Variants in DENND1A observed in about 807,000 individuals in gnomAD.
DENND1A encodes DENN domain containing 1A, also known as DENN domain-containing protein 1A.
A neutral mutation model predicts 113.7 loss-of-function variants in DENND1A; 51 were observed. That is an observed-to-expected ratio of 0.45 (90% CI 0.36 to 0.57). The LOEUF is 0.57. Among genes scored for constraint, DENND1A ranks in the 20% least tolerant of loss-of-function variants. The pLI is 0.00. For missense variants in DENND1A, 1,258 were observed against 1,395.9 expected, an observed-to-expected ratio of 0.90 and a Z score of 1.57; for synonymous variants, 565 against 570.8, an observed-to-expected ratio of 0.99 and a Z score of 0.14.
At chr9:123,721,363 T>C (rs912554474) in intron 5 of DENND1A, among the ~76,000 whole-genome samples, 11 of 152,204 alleles carry the variant, frequency 7.2e-5, no homozygotes, top group African/African-American at 2.7e-4. Context: ...TGTGCTCCCT[T>C]GGTCCTGGGC....
At chr9:123,828,879 T>C (rs1839781017) in intron 2 of DENND1A, among the ~76,000 whole-genome samples, 1 of 152,152 alleles carries the variant, frequency 6.6e-6, no homozygotes, top group Non-Finnish European at 1.5e-5. Flanking sequence ...TTCCCAAAGA[T>C]AGGGATCTCT....
intron 13 of DENND1A, among the ~76,000 whole-genome samples, chr9:123,544,930 C>T (rs1406904597): frequency 6.6e-6 from 1 of 152,040 alleles, no homozygotes; most frequent in Non-Finnish European, 1.5e-5. Flanking sequence ...AACCCCGTCT[C>T]TACTAAAAAC....
intron 5 of DENND1A, among the ~76,000 whole-genome samples, chr9:123,700,333 A>C (rs572220880): frequency 5.8e-4 from 88 of 152,330 alleles, no homozygotes; most frequent in Middle Eastern, 3.4e-3. Context: ...CAATTTGGGG[A>C]GAACTGACAT....
chr9:123,903,489 C>T (rs1166195987), intron 1 of DENND1A, among the ~76,000 whole-genome samples: 2 of 152,018 alleles, frequency 1.3e-5, no homozygotes, highest in Admixed American at 1.3e-4. Context: ...GAGTGCCAGA[C>T]AGTGGGCGCA....
chr9:123,527,652 C>T (rs2135252078), intron 13 of DENND1A, among the ~76,000 whole-genome samples: 1 of 152,298 alleles, frequency 6.6e-6, no homozygotes, highest in African/African-American at 2.4e-5. Context: ...ATCTGGAGGA[C>T]TCATTAAGCT....
chr9:123,451,672 G>A lies in DENND1A; in HGVS notation c.1299+604C>T, dbSNP rs572444282. On this transcript the variant is annotated intron_variant, in intron 17 of 23. Transcript: ENST00000394215. Reference sequence around the variant, plus strand: ...CAGACACCAGATAGACCATGCTTCCGGGTCTCAGAAACAGAGGCAGGGTGC... The same window carrying A: ...CAGACACCAGATAGACCATGCTTCCAGGTCTCAGAAACAGAGGCAGGGTGC... 1.8e-4 allele frequency among the ~76,000 whole-genome samples: 27 copies of A among 152,254 alleles called. 1 individual carries two copies. In the South Asian group the frequency reaches 5.2e-3, roughly 29 times the overall value.
intron 13 of DENND1A, among the ~76,000 whole-genome samples, chr9:123,516,704 G>C (rs572172460): frequency 4.8e-4 from 73 of 151,852 alleles, no homozygotes; most frequent in African/African-American, 1.7e-3. Context: ...TGGCCAACAT[G>C]GTGAAATCCC....
intron 1 of DENND1A, among the ~76,000 whole-genome samples, chr9:123,923,262 G>A (rs140940235): frequency 6.6e-6 from 1 of 152,352 alleles, no homozygotes; most frequent in East Asian, 1.9e-4. Context: ...AGAAAAGAGT[G>A]ATGGAGTAGC....
At chr9:123,919,439 T>A (rs781320984) in intron 1 of DENND1A, among the ~76,000 whole-genome samples, 1 of 151,348 alleles carries the variant, frequency 6.6e-6, no homozygotes, top group Non-Finnish European at 1.5e-5. Context: ...ACCACTGCAC[T>A]CCAGCTTGGG....
At chr9:123,832,790 C>A (rs1464123532) in intron 2 of DENND1A, among the ~76,000 whole-genome samples, 2 of 152,058 alleles carry the variant, frequency 1.3e-5, no homozygotes, top group Non-Finnish European at 2.9e-5. Flanking sequence ...CTATATAACT[C>A]CATGTATATA....
intron 6 of DENND1A, among the ~76,000 whole-genome samples, chr9:123,673,883 CT>C: frequency 6.6e-6 from 1 of 152,244 alleles, no homozygotes; most frequent in East Asian, 1.9e-4. Flanking sequence ...TGGAACCACT[CT>C]TCTATTGCCA....
chr9:123,542,609 G>A (rs780822828), intron 13 of DENND1A, among the ~76,000 whole-genome samples: 4 of 152,132 alleles, frequency 2.6e-5, no homozygotes, highest in Non-Finnish European at 5.9e-5. Context: ...GCTGGTTTCC[G>A]CTTGGTTTGG....
In DENND1A at chr9:123,382,201, G is replaced by A. The variant is rs1432547968; in HGVS notation, c.2444C>T (p.Pro815Leu). ...RRAALSPGLL[P>L]GVVPQGPTEL... ...AGTGGGGCCTTGGGGGACAACACCA[G>A]GCAGGAGCCCTGGACTCAGGGCAGC... The change falls in exon 24 of 24, where the codon CCT becomes CTT. Residue 815 changes from proline to leucine, a missense_variant. This residue lies in a region of DENND1A where 1,159 missense variants were observed against 1,231.7 expected (regional missense o/e 0.94). Coordinates refer to ENST00000394215, the MANE Select transcript of DENND1A (RefSeq NM_001352964.2). 1.2e-6 allele frequency: 2 copies of A among 1,609,686 alleles called. No individual in the cohort carries two copies. The highest frequency in any genetic ancestry group is 1.7e-6 in the Non-Finnish European group (2 of 1,179,578).
chr9:123,625,017 C>T (rs2061135591), intron 10 of DENND1A, among the ~76,000 whole-genome samples: 1 of 152,090 alleles, frequency 6.6e-6, no homozygotes, highest in Non-Finnish European at 1.5e-5. Context: ...TGCAGAAATC[C>T]TCTCCCGCCT....
chr9:123,870,805 C>T (rs1846477795), intron 2 of DENND1A, among the ~76,000 whole-genome samples: 1 of 151,994 alleles, frequency 6.6e-6, no homozygotes, highest in South Asian at 2.1e-4. Flanking sequence ...CTCTTTGAGT[C>T]TCAGTTTCCT....
At chr9:123,512,608 G>A (rs530079481) in intron 13 of DENND1A, among the ~76,000 whole-genome samples, 6 of 152,330 alleles carry the variant, frequency 3.9e-5, no homozygotes, top group Admixed American at 6.5e-5. Flanking sequence ...CTGACAGAGC[G>A]TCACAGACCT....
intron 21 of DENND1A, among the ~76,000 whole-genome samples, chr9:123,398,072 C>G (rs1034190055): frequency 3.3e-5 from 5 of 152,212 alleles, no homozygotes; most frequent in Non-Finnish European, 7.3e-5. Context: ...AGCTGCAAGC[C>G]CCTTAACCCT....
chr9:123,807,211 T>C (rs1835738185), intron 2 of DENND1A, among the ~76,000 whole-genome samples: 1 of 152,206 alleles, frequency 6.6e-6, no homozygotes, highest in African/African-American at 2.4e-5. Flanking sequence ...GGTGATTTTT[T>C]TTGGCCTTAT....
intron 5 of DENND1A, among the ~76,000 whole-genome samples, chr9:123,681,055 C>T (rs2064417352): frequency 6.6e-6 from 1 of 151,954 alleles, no homozygotes. Context: ...TGTGCTGGGG[C>T]CCAAGCAGAG....
Sources: gnomAD v4.1 joint callset for allele counts (sites outside exome capture counted in the v4.1 genomes callset) on GRCh38, gnomAD v4.1.1 for gene constraint, gnomAD v4.1.1 regional missense constraint, MANE v1.5 for transcripts, NCBI Gene and HGNC (gene_info 2026-07-23, HGNC 2026-07-21) for gene names.